The following CLDN10 variants were observed in gnomAD, a reference collection of about 807,000 sequenced individuals.
CLDN10 encodes the protein claudin-10.
CLDN10 carries 15 observed loss-of-function variants against 22.9 expected under a neutral mutation model. The observed-to-expected ratio is 0.65, with a 90% confidence interval of 0.44 to 1.01. The LOEUF is 1.01. Ranked by LOEUF, CLDN10 falls within the 50% of genes least tolerant of loss-of-function variation. The pLI is 0.00. For missense variants in CLDN10, 247 were observed against 287.8 expected, an observed-to-expected ratio of 0.86 and a Z score of 1.03; for synonymous variants, 114 against 111.4, an observed-to-expected ratio of 1.02 and a Z score of -0.15.
chr13:95,463,165 T>C (rs1219964575), intron 1 of CLDN10, among the ~76,000 whole-genome samples: 4 of 151,298 alleles, frequency 2.6e-5, no homozygotes, highest in Non-Finnish European at 5.9e-5. Flanking sequence ...TGAGTTTGAC[T>C]CTTAACTATC....
chr13:95,473,136 T>C (rs1439377671), intron 1 of CLDN10, among the ~76,000 whole-genome samples: 2 of 105,078 alleles, frequency 1.9e-5, no homozygotes, highest in East Asian at 2.7e-4. Flanking sequence ...TGAAAACCTA[T>C]CTCAAAAAAA....
intron 1 of CLDN10, chr13:95,434,135 A>T: frequency 8.4e-7 from 1 of 1,196,458 alleles, no homozygotes; most frequent in Non-Finnish European, 1.2e-6. Context: ...CTGGCTGTTA[A>T]CTCTCTGAAG....
At chr13:95,537,792 G>C (rs910825780) in intron 1 of CLDN10, among the ~76,000 whole-genome samples, 1 of 152,174 alleles carries the variant, frequency 6.6e-6, no homozygotes, top group African/African-American at 2.4e-5. Context: ...CGGTAGCCAT[G>C]AACACTCACC....
chr13:95,449,157 A>G (rs1024168645), intron 1 of CLDN10, among the ~76,000 whole-genome samples: 1 of 152,020 alleles, frequency 6.6e-6, no homozygotes, highest in African/African-American at 2.4e-5. Context: ...CAGATCACAG[A>G]CCTCAAAGCC....
intron 1 of CLDN10, among the ~76,000 whole-genome samples, chr13:95,451,490 G>A (rs542351274): frequency 1.3e-5 from 2 of 152,260 alleles, no homozygotes; most frequent in Admixed American, 6.5e-5. Flanking sequence ...GGGTACAGTG[G>A]CACAGTCATA....
At chr13:95,551,324 G>A (rs188965406), upstream of CLDN10, among the ~76,000 whole-genome samples, 21 of 152,340 alleles carry the variant, frequency 1.4e-4, no homozygotes, top group East Asian at 3.5e-3. Context: ...ACGTTGCCAT[G>A]CACTGAACTG....
At chr13:95,531,929 T>C (rs915314033) in intron 1 of CLDN10, among the ~76,000 whole-genome samples, 1 of 152,112 alleles carries the variant, frequency 6.6e-6, no homozygotes, top group Admixed American at 6.5e-5. Context: ...AACAGGAATT[T>C]AAACAAATGG....
At chr13:95,480,644 G>T (rs1474927858) in intron 1 of CLDN10, among the ~76,000 whole-genome samples, 1 of 152,158 alleles carries the variant, frequency 6.6e-6, no homozygotes, top group East Asian at 1.9e-4. Context: ...TTAGAATGCA[G>T]ATCCCTTGGC....
At chr13:95,555,422 C>T (rs2043624616) in intron 1 of CLDN10, among the ~76,000 whole-genome samples, 1 of 152,104 alleles carries the variant, frequency 6.6e-6, no homozygotes, top group African/African-American at 2.4e-5. Context: ...TCAAAACTCA[C>T]TGACCGTTTT....
At chr13:95,512,317 TA>T (rs201069895) in intron 1 of CLDN10, among the ~76,000 whole-genome samples, 2,846 of 151,174 alleles carry the variant, frequency 0.019, 91 homozygotes, top group African/African-American at 0.066. Context: ...TTGATGTTAA[TA>T]TGAGCAATGT....
intron 1 of CLDN10, among the ~76,000 whole-genome samples, chr13:95,492,929 A>C (rs1238330999): frequency 1.3e-5 from 2 of 152,048 alleles, no homozygotes; most frequent in Non-Finnish European, 2.9e-5. Flanking sequence ...TTCTCCCAAA[A>C]ACAGACCTTC....
chr13:95,457,807 C>A (rs1019322635), intron 1 of CLDN10, among the ~76,000 whole-genome samples: 25 of 152,130 alleles, frequency 1.6e-4, no homozygotes, highest in Non-Finnish European at 1.9e-4. Context: ...CAAAACTGCA[C>A]TGGGCATATC....
At chr13:95,501,845 T>G (rs891285103) in intron 1 of CLDN10, among the ~76,000 whole-genome samples, 6 of 152,226 alleles carry the variant, frequency 3.9e-5, no homozygotes, top group African/African-American at 1.4e-4. Flanking sequence ...GGTTTCTATT[T>G]GTTCCAGCTG....
At chr13:95,563,083 C>T (rs2043736599) in intron 3 of CLDN10, among the ~76,000 whole-genome samples, 1 of 143,428 alleles carries the variant, frequency 7.0e-6, no homozygotes, top group South Asian at 2.2e-4. Flanking sequence ...CTCTTTCTGT[C>T]TCTGCCTACC....
chr13:95,529,107 A>AT lies in CLDN10; in HGVS notation c.215-31015dup, dbSNP rs988810369. On this transcript the variant is annotated intron_variant, in intron 1 of 4. Transcript: ENST00000376873. ...TAAGATATTGCTGCCCATGTCTAGTATTTTTTTTTTAATTTTTGTCTTAAT... is the reference window on the plus strand; with the variant it reads ...TAAGATATTGCTGCCCATGTCTAGTATTTTTTTTTTTAATTTTTGTCTTAAT... 2.1e-4 allele frequency among the ~76,000 whole-genome samples: 31 copies of AT among 149,636 alleles called. 1 individual carries two copies. The highest frequency in any genetic ancestry group is 1.6e-3 in the East Asian group (8 of 5,118).
At chr13:95,440,440 C>G (rs573619899) in intron 1 of CLDN10, among the ~76,000 whole-genome samples, 2 of 152,288 alleles carry the variant, frequency 1.3e-5, no homozygotes, top group Admixed American at 6.5e-5. Flanking sequence ...CTTGGGGAGG[C>G]TGAAGCAGGA....
chr13:95,540,460 C>T (rs898983740), intron 1 of CLDN10, among the ~76,000 whole-genome samples: 7 of 151,946 alleles, frequency 4.6e-5, no homozygotes, highest in African/African-American at 9.7e-5. Context: ...CACCACTGCA[C>T]ACCAGCCTGG....
intron 3 of CLDN10, among the ~76,000 whole-genome samples, chr13:95,568,175 T>C (rs1566342628): frequency 6.6e-6 from 1 of 152,238 alleles, no homozygotes; most frequent in Non-Finnish European, 1.5e-5. Flanking sequence ...CATGAGTTAT[T>C]TGGAGGATGA....
intron 1 of CLDN10, among the ~76,000 whole-genome samples, chr13:95,472,694 G>T (rs2139103711): frequency 6.6e-6 from 1 of 151,530 alleles, no homozygotes; most frequent in South Asian, 2.1e-4. Context: ...AAATAGAGTG[G>T]GATACTTGTC....
Sources: gnomAD v4.1 joint callset for allele counts (sites outside exome capture counted in the v4.1 genomes callset) on GRCh38, gnomAD v4.1.1 for gene constraint, MANE v1.5 for transcripts, NCBI Gene and HGNC (gene_info 2026-07-23, HGNC 2026-07-21) for gene names.